Variants in OCIAD1 observed in about 807,000 individuals in gnomAD.
The protein encoded by OCIAD1 is OCIA domain containing 1, also known as OCIA domain-containing protein 1.
OCIAD1 carries 29 observed loss-of-function variants against 38.9 expected under a neutral mutation model. That is an observed-to-expected ratio of 0.74 (90% CI 0.55 to 1.02). OCIAD1 has a LOEUF of 1.02. Ranked by LOEUF, OCIAD1 falls within the 50% of genes least tolerant of loss-of-function variation. OCIAD1 has a pLI of 0.00. For missense variants in OCIAD1, 288 were observed against 289.6 expected, an observed-to-expected ratio of 0.99 and a Z score of 0.04; for synonymous variants, 110 against 92.0, an observed-to-expected ratio of 1.20 and a Z score of -1.12.
intron 8 of OCIAD1, among the ~76,000 whole-genome samples, chr4:48,858,945 G>A (rs959856948): frequency 3.9e-5 from 6 of 152,170 alleles, no homozygotes; most frequent in Non-Finnish European, 8.8e-5. Flanking sequence ...AGCTATTTCA[G>A]TATAGGGTTT....
At chr4:48,848,509 C>T in intron 5 of OCIAD1, 63 bp downstream of exon 5, 1 of 803,886 alleles carries the variant, frequency 1.2e-6, no homozygotes, top group Non-Finnish European at 2.0e-6. Flanking sequence ...TTATTTTTAT[C>T]AAATGTTTTA....
intron 6 of OCIAD1, among the ~76,000 whole-genome samples, chr4:48,851,175 G>A (rs1044479283): frequency 2.6e-5 from 4 of 152,184 alleles, no homozygotes; most frequent in African/African-American, 9.7e-5. Context: ...TGGGAAACGG[G>A]CATGGTTATT....
At chr4:48,857,048 T>G (rs1172536952) in intron 7 of OCIAD1, 165 bp from the exon 8 acceptor site, 7 of 371,628 alleles carry the variant, frequency 1.9e-5, no homozygotes. Flanking sequence ...TTCAGTTTGA[T>G]GATTATCTTG....
rs553425378 is a variant in OCIAD1, at chr4:48,818,187, G to A, written c.-102-12390G>A. 2.6e-5 allele frequency among the ~76,000 whole-genome samples: 4 copies of A among 152,316 alleles called. No homozygotes were observed. In the South Asian group the frequency reaches 8.3e-4, roughly 32 times the overall value. On this transcript the variant is annotated intron_variant, in intron 1 of 6. Transcript: ENST00000504654. ...TACAGGAGAGCTCCAGCTGATATCA[G>A]GCCAGTGCCCCTCTGGGACGAAACT...
At chr4:48,819,027 C>G (rs1777166740) in intron 1 of OCIAD1, among the ~76,000 whole-genome samples, 1 of 152,058 alleles carries the variant, frequency 6.6e-6, no homozygotes, top group Admixed American at 6.6e-5. Context: ...AAGACTTCCC[C>G]AACCTAGCAA....
At position 48,851,889 on chromosome 4, in the gene OCIAD1, A is replaced by C. The variant is rs1296550324; in HGVS notation, c.461A>C (p.Glu154Ala). The change falls in exon 7 of 9, where the codon GAA (glutamate) becomes GCA (alanine). Residue 154 changes from glutamate to alanine, a missense_variant. By Grantham distance (107) the Glu-to-Ala change is moderately radical (BLOSUM62 -1). Coordinates refer to ENST00000264312, the MANE Select transcript of OCIAD1 (RefSeq NM_017830.4). ...ACATCCCCAGCAGCAGACAACATAG[A>C]AATGCTTCCTCATTATGAGCCAATT... ...FVTSPAADNI[E>A]MLPHYEPIPF... The C allele has an allele frequency of 6.2e-7, 1 of 1,613,060 alleles. No individual in the cohort carries two copies. Among genetic ancestry groups the C allele is most frequent in the South Asian group, 1.1e-5 (1 of 91,048 alleles).
At chr4:48,840,143 A>T (rs181479499) in intron 3 of OCIAD1, among the ~76,000 whole-genome samples, 48 of 152,352 alleles carry the variant, frequency 3.2e-4, no homozygotes, top group Non-Finnish European at 6.3e-4. Flanking sequence ...AGAAGAAGCT[A>T]TGCAAAGACA....
At chr4:48,827,868 A>G (rs1227897765), upstream of OCIAD1, among the ~76,000 whole-genome samples, 9 of 152,122 alleles carry the variant, frequency 5.9e-5, no homozygotes, top group South Asian at 1.2e-3. Context: ...GGACTTGGAG[A>G]ACTTTTATGT....
chr4:48,849,119 G>A (rs1779209353), intron 5 of OCIAD1, among the ~76,000 whole-genome samples: 1 of 152,050 alleles, frequency 6.6e-6, no homozygotes, highest in African/African-American at 2.4e-5. Flanking sequence ...CACAGGAAGG[G>A]GAACATCACA....
chr4:48,825,783 TTCTC>T (rs1777244043), intron 1 of OCIAD1, among the ~76,000 whole-genome samples: 1 of 141,844 alleles, frequency 7.1e-6, no homozygotes, highest in African/African-American at 2.5e-5. Flanking sequence ...CCTCCCTCCC[TTCTC>T]TCTCTTTCTC....
At chr4:48,835,938 C>G (rs1230704513) in intron 3 of OCIAD1, among the ~76,000 whole-genome samples, 1 of 152,222 alleles carries the variant, frequency 6.6e-6, no homozygotes. Context: ...TTTGCAATAA[C>G]TTCATCTCTG....
At chr4:48,854,120 T>C (rs571037089) in intron 7 of OCIAD1, among the ~76,000 whole-genome samples, 72 of 152,312 alleles carry the variant, frequency 4.7e-4, no homozygotes, top group African/African-American at 1.4e-3. Flanking sequence ...AAATCCATTC[T>C]TCTTGTACAG....
chr4:48,831,455 T>G, intron 1 of OCIAD1: 1 of 1,283,590 alleles, frequency 7.8e-7, no homozygotes, highest in East Asian at 5.6e-5. Context: ...AAGTTCGTGG[T>G]CACGGATGCG....
chr4:48,860,958 A>C lies in OCIAD1; in HGVS notation c.*196A>C. The C allele has an allele frequency of 1.8e-6, 1 of 564,190 alleles. No individual in the cohort carries two copies. Among genetic ancestry groups the C allele is most frequent in the Non-Finnish European group, 3.2e-6 (1 of 315,650 alleles). 34.9% of individuals were successfully genotyped at this position (564,190 alleles called of 1,614,324 possible). A position where few individuals can be genotyped will look rare whatever the true frequency, so the allele number is the denominator to read the frequency against. ...GTGTTAATATTGTGTAAATGTACTC[A>C]CCTTAGGGATTCATTTGAATGATGG... is the stretch of plus-strand genomic sequence containing the variant. On this transcript the variant is annotated 3_prime_UTR_variant, in exon 9 of 9. Coordinates refer to ENST00000264312, the MANE Select transcript of OCIAD1 (RefSeq NM_017830.4).
intron 3 of OCIAD1, among the ~76,000 whole-genome samples, chr4:48,838,197 A>T (rs998316258): frequency 1.3e-5 from 2 of 152,102 alleles, no homozygotes; most frequent in African/African-American, 4.8e-5. Context: ...AGGTGCCTGT[A>T]ATTCCAGCTA....
At chr4:48,835,078 C>T (rs1261063058) in intron 3 of OCIAD1, among the ~76,000 whole-genome samples, 8 of 152,138 alleles carry the variant, frequency 5.3e-5, no homozygotes, top group Non-Finnish European at 8.8e-5. Context: ...GGACTACAGG[C>T]GTGCGCCACC....
chr4:48,806,960 G>C (rs1282488523), intron 1 of OCIAD1, among the ~76,000 whole-genome samples: 1 of 152,058 alleles, frequency 6.6e-6, no homozygotes, highest in Non-Finnish European at 1.5e-5. Context: ...CTGCAGTGCA[G>C]TGGTGCGATC....
intron 3 of OCIAD1, among the ~76,000 whole-genome samples, chr4:48,841,226 A>C (rs1246537016): frequency 6.6e-6 from 1 of 152,202 alleles, no homozygotes; most frequent in Non-Finnish European, 1.5e-5. Flanking sequence ...CAAAACCCAA[A>C]ATATTTACCA....
chr4:48,830,359 T>C (rs543498750), upstream of OCIAD1, among the ~76,000 whole-genome samples: 37 of 152,270 alleles, frequency 2.4e-4, no homozygotes, highest in African/African-American at 8.9e-4. Context: ...GGTTGACAAA[T>C]AGTAGGACTG....
Sources: allele counts gnomAD v4.1 joint callset (sites outside exome capture counted in the v4.1 genomes callset), GRCh38; gene constraint gnomAD v4.1.1; transcripts MANE v1.5; gene names NCBI Gene and HGNC (gene_info 2026-07-23, HGNC 2026-07-21).